Variants in SLC35F1 observed in about 807,000 individuals in gnomAD.
The protein encoded by SLC35F1 is solute carrier family 35 member F1.
SLC35F1 carries 14 observed loss-of-function variants against 48.7 expected under a neutral mutation model. That is an observed-to-expected ratio of 0.29 (90% CI 0.19 to 0.45). SLC35F1 has a LOEUF of 0.45. SLC35F1 is among the 20% of genes least tolerant of loss of function. SLC35F1 has a pLI of 1.00. For synonymous variants in SLC35F1, 190 were observed against 202.2 expected, an observed-to-expected ratio of 0.94 and a Z score of 0.51; for missense variants, 404 against 500.0, an observed-to-expected ratio of 0.81 and a Z score of 1.83.
At chr6:118,220,975 G>A (rs1050704062) in intron 2 of SLC35F1, among the ~76,000 whole-genome samples, 7 of 152,238 alleles carry the variant, frequency 4.6e-5, no homozygotes, top group South Asian at 2.1e-4. Context: ...TTTGTCACAC[G>A]ACACAGAAGG....
rs777263061 is a variant in SLC35F1, at chr6:118,154,610, C to T, written c.339C>T (p.Ala113=). Residue 113 remains alanine, a synonymous_variant, in exon 2 of 8, where the codon GCC becomes GCT. Coordinates refer to ENST00000360388, the MANE Select transcript of SLC35F1 (RefSeq NM_001029858.4). ...LLFLVYTTTL[A]VRQGEENLLA... is the part of the protein sequence containing the mutation. Reference sequence around the variant, plus strand: ...TCTTGGTCTATACCACCACACTAGCCGTCAGACAAGGTAAGCTCACAAAAG... The same window carrying T: ...TCTTGGTCTATACCACCACACTAGCTGTCAGACAAGGTAAGCTCACAAAAG... The T allele has an allele frequency of 5.6e-5, 90 of 1,607,852 alleles. 1 individual carries two copies. The East Asian group carries it at 1.8e-3, about 32-fold the overall frequency.
chr6:117,983,273 C>T (rs1360025041), intron 1 of SLC35F1, among the ~76,000 whole-genome samples: 1 of 152,134 alleles, frequency 6.6e-6, no homozygotes, highest in African/African-American at 2.4e-5. Flanking sequence ...GGACAAGTGG[C>T]TTGTACACAG....
chr6:118,229,621 C>T (rs1281784465), intron 2 of SLC35F1, among the ~76,000 whole-genome samples: 1 of 152,166 alleles, frequency 6.6e-6, no homozygotes, highest in Non-Finnish European at 1.5e-5. Context: ...GTCATGAGTT[C>T]AAATACTGGT....
intron 2 of SLC35F1, among the ~76,000 whole-genome samples, chr6:118,192,701 T>A (rs1475191273): frequency 6.6e-6 from 1 of 152,160 alleles, no homozygotes; most frequent in Admixed American, 6.6e-5. Context: ...ATATTGATGG[T>A]ATACACTAAA....
chr6:117,959,754 T>A (rs571282146), intron 1 of SLC35F1, among the ~76,000 whole-genome samples: 1 of 152,292 alleles, frequency 6.6e-6, no homozygotes, highest in South Asian at 2.1e-4. Context: ...CGACGTATAA[T>A]ACCTGACATA....
chr6:117,919,101 G>A (rs1276491831), intron 1 of SLC35F1, among the ~76,000 whole-genome samples: 1 of 151,952 alleles, frequency 6.6e-6, no homozygotes, highest in Non-Finnish European at 1.5e-5. Flanking sequence ...GTCTTGCAAT[G>A]TTCCCCAGGC....
intron 1 of SLC35F1, among the ~76,000 whole-genome samples, chr6:118,033,033 GTTA>G (rs1459018576): frequency 1.6e-4 from 25 of 151,988 alleles, no homozygotes; most frequent in African/African-American, 6.0e-4. Context: ...TCAAGTCTAA[GTTA>G]TTATGATTAT....
At chr6:118,131,919 C>T (rs182532169) in intron 1 of SLC35F1, among the ~76,000 whole-genome samples, 61 of 151,924 alleles carry the variant, frequency 4.0e-4, no homozygotes, top group Non-Finnish European at 6.9e-4. Flanking sequence ...ACAGGTTTTT[C>T]TAGAAATAAG....
intron 2 of SLC35F1, among the ~76,000 whole-genome samples, chr6:118,172,004 A>T (rs1454914078): frequency 1.3e-5 from 2 of 152,152 alleles, no homozygotes; most frequent in Non-Finnish European, 2.9e-5. Flanking sequence ...TAGTAGTGTA[A>T]TTAGTAGGGC....
intron 7 of SLC35F1, 88 bp downstream of exon 7, chr6:118,285,426 G>A: frequency 6.8e-7 from 1 of 1,470,606 alleles, no homozygotes; most frequent in Non-Finnish European, 9.4e-7. Flanking sequence ...GAAATGCCCT[G>A]ATTTTGTGTA....
At chr6:117,941,159 A>T (rs1051468888) in intron 1 of SLC35F1, among the ~76,000 whole-genome samples, 10 of 152,292 alleles carry the variant, frequency 6.6e-5, no homozygotes, top group African/African-American at 2.4e-4. Context: ...GGGTTTAAGA[A>T]TTTAAACATA....
chr6:117,925,982 G>A (rs1359460230), intron 1 of SLC35F1, among the ~76,000 whole-genome samples: 1 of 152,096 alleles, frequency 6.6e-6, no homozygotes, highest in Non-Finnish European at 1.5e-5. Context: ...CCAGGCTGGG[G>A]CTGGCATTGG....
chr6:118,151,809 G>A (rs550234388), intron 1 of SLC35F1, among the ~76,000 whole-genome samples: 9 of 152,222 alleles, frequency 5.9e-5, no homozygotes, highest in South Asian at 4.1e-4. Flanking sequence ...GAGCCACTGC[G>A]CCTGGCCTTT....
intron 7 of SLC35F1, among the ~76,000 whole-genome samples, chr6:118,296,952 A>T (rs1776194039): frequency 6.8e-6 from 1 of 147,334 alleles, no homozygotes; most frequent in Non-Finnish European, 1.5e-5. Flanking sequence ...TAATAAACCA[A>T]ACTCATAGAA....
intron 1 of SLC35F1, among the ~76,000 whole-genome samples, chr6:118,063,911 T>C (rs1217618473): frequency 6.6e-6 from 1 of 152,190 alleles, no homozygotes; most frequent in Non-Finnish European, 1.5e-5. Flanking sequence ...CAGGGAGTGA[T>C]ATGATTAATC....
chr6:118,049,101 C>A (rs1772345439), intron 1 of SLC35F1, among the ~76,000 whole-genome samples: 1 of 152,096 alleles, frequency 6.6e-6, no homozygotes, highest in South Asian at 2.1e-4. Context: ...CTGACAAAAA[C>A]AAGCAATGGG....
chr6:118,289,523 T>A (rs2114646385), intron 7 of SLC35F1, among the ~76,000 whole-genome samples: 1 of 152,302 alleles, frequency 6.6e-6, no homozygotes, highest in African/African-American at 2.4e-5. Flanking sequence ...ATTGGTACCA[T>A]TTTAGAGTGG....
At chr6:118,233,454 C>T (rs1172024770) in intron 2 of SLC35F1, among the ~76,000 whole-genome samples, 2 of 152,198 alleles carry the variant, frequency 1.3e-5, no homozygotes, top group South Asian at 2.1e-4. Context: ...TCACATCTGC[C>T]AGCCTTCTCA....
rs192544811 is a variant in SLC35F1, at chr6:118,123,840, C to G, written c.174-30605C>G. 5.5e-4 allele frequency among the ~76,000 whole-genome samples: 84 copies of G among 152,264 alleles called. 1 individual carries two copies. Among genetic ancestry groups the G allele is most frequent in the African/African-American group, 2.0e-3 (82 of 41,548 alleles). ...CTAGAGGCACTTGCTTTTAGGTGAA[C>G]TACAGAACTTCTTGTAGGAGGACCT... On this transcript the variant is annotated intron_variant, in intron 1 of 7. Transcript: ENST00000360388.
Sources: gnomAD v4.1 joint callset for allele counts (sites outside exome capture counted in the v4.1 genomes callset) on GRCh38, gnomAD v4.1.1 for gene constraint, MANE v1.5 for transcripts, NCBI Gene and HGNC (gene_info 2026-07-23, HGNC 2026-07-21) for gene names.